The following CLCNKA variants were observed in gnomAD, a reference collection of about 807,000 sequenced individuals.
CLCNKA encodes the protein chloride channel protein ClC-Ka.
In CLCNKA, 66 loss-of-function variants were observed where a neutral mutation model predicts 83.3. The ratio of observed to expected loss-of-function variants is 0.79; its 90% CI spans 0.65 to 0.97. The LOEUF (loss-of-function observed/expected upper bound fraction) is 0.97. Among genes scored for constraint, CLCNKA ranks in the 50% least tolerant of loss-of-function variants. The probability of loss-of-function intolerance (pLI) is 0.00; values close to 1 mark genes in which losing one functional copy is unlikely to be tolerated. For synonymous variants in CLCNKA, 357 were observed against 370.4 expected, an observed-to-expected ratio of 0.96 and a Z score of 0.42; for missense variants, 806 against 888.7, an observed-to-expected ratio of 0.91 and a Z score of 1.18.
rs1334761515 is a variant in CLCNKA, at chr1:16,028,071, T to G, written c.920T>G (p.Leu307Arg). ...TACCTCTTCTGTCAGCGAACCTTCCTCAGCTTCATCAAGACCAATCGGTAC... is the reference window on the plus strand; with the variant it reads ...TACCTCTTCTGTCAGCGAACCTTCCGCAGCTTCATCAAGACCAATCGGTAC... Reference protein sequence around the residue: ...CAYLFCQRTFLSFIKTNRYSS... With the variant: ...CAYLFCQRTFRSFIKTNRYSS... The change falls in exon 10 of 20, where the codon CTC (leucine) becomes CGC (arginine). Residue 307 changes from leucine (L) to arginine (R), a missense_variant. Leu to Arg is a moderately radical substitution (Grantham distance 102). Coordinates refer to ENST00000331433, the MANE Select transcript of CLCNKA (RefSeq NM_004070.4). The G allele has an allele frequency of 6.3e-7, 1 of 1,587,766 alleles. No homozygotes were observed. The highest frequency in any genetic ancestry group is 1.1e-5 in the South Asian group (1 of 90,838).
Position 16,033,192 on chromosome 1 carries a change from T to G in CLCNKA, c.1952T>G (p.Leu651Trp), listed in dbSNP as rs761930387. ...CAGGCACAAAACCTCTTTAAGCTGT[T>G]GAACCTTCAGTCCCTCTTCGTGACA... ...LHQAQNLFKLLNLQSLFVTSR... is the reference protein window; with the variant it reads ...LHQAQNLFKLWNLQSLFVTSR... Residue 651 changes from leucine to tryptophan, a missense_variant, in exon 19 of 20, where the codon TTG becomes TGG. By Grantham distance (61) the Leu-to-Trp change is moderately conservative. Coordinates refer to ENST00000331433, the MANE Select transcript of CLCNKA (RefSeq NM_004070.4). The G allele has an allele frequency of 1.9e-6, 3 of 1,614,182 alleles. No individual in the cohort carries two copies. Among genetic ancestry groups the G allele is most frequent in the East Asian group, 4.5e-5 (2 of 44,882 alleles).
chr1:16,026,414 G>T, intron 5 of CLCNKA, 122 bp from the exon 6 acceptor site: 3 of 1,490,842 alleles, frequency 2.0e-6, no homozygotes, highest in South Asian at 1.2e-5. Context: ...TGTGACAAAA[G>T]CTACCTGAGG....
chr1:16,029,880 G>A, intron 13 of CLCNKA, 80 bp downstream of exon 13: 1 of 1,605,792 alleles, frequency 6.2e-7, no homozygotes, highest in African/African-American at 1.3e-5. Context: ...CCTCTTCCCG[G>A]GTGGTACTAA....
At chr1:16,026,305 C>G (rs1246296815) in intron 5 of CLCNKA, 58 bp downstream of exon 5, 1 of 1,540,544 alleles carries the variant, frequency 6.5e-7, no homozygotes, top group East Asian at 2.4e-5. Flanking sequence ...TGCCCCAGCT[C>G]TCCCCCATAC....
intron 15 of CLCNKA, among the ~76,000 whole-genome samples, chr1:16,030,934 T>G (rs2022599924): frequency 6.6e-6 from 1 of 152,136 alleles, no homozygotes; most frequent in African/African-American, 2.4e-5. Context: ...TATTGCCCCG[T>G]GTACAGATTG....
At position 16,029,223 on chromosome 1, in the gene CLCNKA, C is replaced by T. The variant is rs747923734; in HGVS notation, c.1151C>T (p.Pro384Leu). 2 of 1,613,794 alleles carry T rather than the reference C, an allele frequency of 1.2e-6. No individual in the cohort carries two copies. The highest frequency in any genetic ancestry group is 1.7e-6 in the Non-Finnish European group (2 of 1,179,922). The change falls in exon 12 of 20, where the codon CCC (proline) becomes CTC (leucine). Residue 384 changes from proline (P) to leucine (L), a missense_variant. Transcript: ENST00000331433. ...CCACCCTGGCCCGAGGAGCTCGACC[C>T]CCAGCACCTTTGGTGGGAATGGTAC... ...SSPPWPEELD[P>L]QHLWWEWYHP... is the part of the protein sequence containing the mutation.
At chr1:16,030,218 C>T in intron 14 of CLCNKA, 143 bp downstream of exon 14, 1 of 746,762 alleles carries the variant, frequency 1.3e-6, no homozygotes, top group Non-Finnish European at 2.2e-6. Flanking sequence ...TCTGTCCCTC[C>T]TGAGCCCCAC....
At position 16,031,140 on chromosome 1, in the gene CLCNKA, G is replaced by A. The variant is rs1042015713; in HGVS notation, c.1622+466G>A. Among the ~76,000 whole-genome samples the A allele has an allele frequency of 8.5e-5, 13 of 152,198 alleles. No individual in the cohort carries two copies. In the South Asian group the frequency reaches 1.0e-3, roughly 12 times the overall value. On this transcript the variant is annotated intron_variant, in intron 15 of 19. Coordinates refer to ENST00000331433, the MANE Select transcript of CLCNKA (RefSeq NM_004070.4). ...AGATAGGACCAGAGCAGCTTCTGGC[G>A]CCAGAAAAGCAGACCAAAGAGGCTC...
rs2022413743 is a variant in CLCNKA, at chr1:16,027,455, T to G, written c.781+20T>G. ...AGCAGGGTGAGCCCCCTGGGCTGCC[T>G]GACCCTGGCCCTGCCTGGGGGCCGG... is the stretch of plus-strand genomic sequence containing the variant. On this transcript the variant is annotated intron_variant, in intron 8 of 19. Coordinates refer to ENST00000331433, the MANE Select transcript of CLCNKA (RefSeq NM_004070.4). The G allele has an allele frequency of 6.2e-7, 1 of 1,613,050 alleles. No homozygotes were observed. The highest frequency in any genetic ancestry group is 8.5e-7 in the Non-Finnish European group (1 of 1,179,802).
chr1:16,024,916 T>C (rs1032386147), intron 4 of CLCNKA, 25 bp downstream of exon 4: 8 of 1,613,624 alleles, frequency 5.0e-6, no homozygotes, highest in East Asian at 2.2e-5. Flanking sequence ...GCCATGCCAG[T>C]CCCCAGTGCC....
At position 16,033,636 on chromosome 1, in the gene CLCNKA, C is replaced by A. The variant is rs1383954534; in HGVS notation, c.2042C>A (p.Thr681Lys). The change falls in exon 20 of 20, where the codon ACA (threonine) becomes AAA (lysine). Residue 681 changes from threonine to lysine, a missense_variant. Transcript: ENST00000331433. The part of the protein sequence containing the change: ...VEMKKAISNL[T>K]NPPAPK ...ATGAAGAAAGCAATTTCCAACCTGA[C>A]AAATCCGCCAGCTCCAAAGTGAGCC... 6.5e-7 allele frequency: 1 copy of A among 1,530,676 alleles called. No individual in the cohort carries two copies. The highest frequency in any genetic ancestry group is 2.8e-5 in the East Asian group (1 of 36,322). The allele number at this position is 1,530,676 out of a possible 1,614,324, so 94.8% of individuals were successfully genotyped here.
rs1388833607 is a variant in CLCNKA, at chr1:16,029,602, C to T, written c.1228-129C>T. On this transcript the variant is annotated intron_variant, in intron 12 of 19. Coordinates refer to ENST00000331433, the MANE Select transcript of CLCNKA (RefSeq NM_004070.4). ...GAGGACCCTCCCCTAATGCCAGACT[C>T]TGGCAGTGGGTGCATGGCTGGCACC... 1.7e-5 allele frequency: 21 copies of T among 1,251,154 alleles called. No individual in the cohort carries two copies. In the Admixed American group the frequency reaches 1.7e-4, roughly 10 times the overall value. 77.5% of individuals were successfully genotyped at this position (1,251,154 alleles called of 1,614,324 possible).
chr1:16,031,815 G>A lies in CLCNKA; in HGVS notation c.1728G>A (p.Val576=). ...TCAAGGTTGTGACCTCCACAGACGT[G>A]ACCGAGTATCCCCTGGTGGAGAGCA... The part of the protein sequence containing the change: ...EVVKVVTSTD[V]TEYPLVESTE... Residue 576 remains valine, a synonymous_variant, in exon 16 of 20, where the codon GTG becomes GTA. Coordinates refer to ENST00000331433, the MANE Select transcript of CLCNKA (RefSeq NM_004070.4). 1 of 1,613,926 alleles carries A rather than the reference G, an allele frequency of 6.2e-7. No homozygotes were observed.
chr1:16,022,351 G>T (rs372159720), intron 1 of CLCNKA, among the ~76,000 whole-genome samples: 1 of 152,110 alleles, frequency 6.6e-6, no homozygotes, highest in Admixed American at 6.5e-5. Flanking sequence ...AGGAGGGTGG[G>T]AGCGGTGTCC....
At chr1:16,032,748 G>T (rs1485867367) in intron 18 of CLCNKA, among the ~76,000 whole-genome samples, 1 of 152,270 alleles carries the variant, frequency 6.6e-6, no homozygotes, top group Non-Finnish European at 1.5e-5. Context: ...TTGGCAAATG[G>T]AAGTCTCTGG....
chr1:16,027,281 G>A lies in CLCNKA; in HGVS notation c.656-29G>A, dbSNP rs184855200. ...ACAGCCACAGGTGGGTGGGGGTGGG[G>A]GCCCACCTGACATCAGTGTCGCCCC... On this transcript the variant is annotated intron_variant, in intron 7 of 19. Transcript: ENST00000331433. 3,562 of 1,612,052 alleles carry A rather than the reference G, an allele frequency of 2.2e-3. 6 individuals carry two copies. Among genetic ancestry groups the A allele is most frequent in the Non-Finnish European group, 2.8e-3 (3,284 of 1,179,890 alleles).
chr1:16,025,100 G>C (rs2022296396), intron 4 of CLCNKA, among the ~76,000 whole-genome samples: 1 of 152,232 alleles, frequency 6.6e-6, no homozygotes, highest in African/African-American at 2.4e-5. Flanking sequence ...TCCTTGGAAG[G>C]AGATTGCCCT....
chr1:16,022,512 C>T (rs2022172802), intron 1 of CLCNKA, 101 bp from the exon 2 acceptor site: 4 of 802,112 alleles, frequency 5.0e-6, no homozygotes, highest in Admixed American at 2.5e-5. Context: ...ACGCACAATC[C>T]TTCCTCTTCA....
chr1:16,027,498 T>C, intron 8 of CLCNKA, 63 bp downstream of exon 8: 2 of 1,603,270 alleles, frequency 1.2e-6, no homozygotes, highest in Non-Finnish European at 8.5e-7. Context: ...GAGACCTCCC[T>C]TCTCCTCTGT....
Sources: allele counts gnomAD v4.1 joint callset (sites outside exome capture counted in the v4.1 genomes callset), GRCh38; gene constraint gnomAD v4.1.1; transcripts MANE v1.5; gene names NCBI Gene and HGNC (gene_info 2026-07-23, HGNC 2026-07-21).